Variants in ST6GALNAC3 observed in about 807,000 individuals in gnomAD.
ST6GALNAC3 encodes ST6 N-acetylgalactosaminide alpha-2,6-sialyltransferase 3.
A neutral mutation model predicts 32.7 loss-of-function variants in ST6GALNAC3; 25 were observed. The ratio of observed to expected loss-of-function variants is 0.76; its 90% CI spans 0.56 to 1.07. The LOEUF (loss-of-function observed/expected upper bound fraction) is 1.07, where lower values mean the gene tolerates loss of function less well. ST6GALNAC3 is among the 50% of genes least tolerant of loss of function. The pLI is 0.00. For missense variants in ST6GALNAC3, 355 were observed against 382.4 expected, an observed-to-expected ratio of 0.93 and a Z score of 0.60; for synonymous variants, 129 against 133.1, an observed-to-expected ratio of 0.97 and a Z score of 0.21.
chr1:76,142,140 G>T (rs1650366320), intron 1 of ST6GALNAC3, among the ~76,000 whole-genome samples: 1 of 152,144 alleles, frequency 6.6e-6, no homozygotes, highest in South Asian at 2.1e-4. Flanking sequence ...TAAAAGCAAA[G>T]GTATGGAGAT....
At chr1:76,463,934 G>A (rs997532914) in intron 3 of ST6GALNAC3, among the ~76,000 whole-genome samples, 2 of 152,086 alleles carry the variant, frequency 1.3e-5, no homozygotes, top group African/African-American at 4.8e-5. Context: ...CTCCTTGCAA[G>A]GTCACCCAGG....
intron 3 of ST6GALNAC3, among the ~76,000 whole-genome samples, chr1:76,583,027 T>G (rs1646913624): frequency 1.3e-5 from 2 of 152,170 alleles, no homozygotes; most frequent in Non-Finnish European, 2.9e-5. Flanking sequence ...ATAGAACAAT[T>G]TATTAGTGCA....
chr1:76,091,855 G>A (rs773076805), intron 1 of ST6GALNAC3, among the ~76,000 whole-genome samples: 4 of 152,262 alleles, frequency 2.6e-5, no homozygotes, highest in South Asian at 2.1e-4. Flanking sequence ...CTACACTTAC[G>A]GATGTGGTTC....
At chr1:76,581,084 T>A (rs1646886007) in intron 3 of ST6GALNAC3, among the ~76,000 whole-genome samples, 1 of 152,134 alleles carries the variant, frequency 6.6e-6, no homozygotes, top group African/African-American at 2.4e-5. Flanking sequence ...CTGATTTCCC[T>A]GAATTGTTTA....
At chr1:76,382,544 A>G (rs1388109180) in intron 2 of ST6GALNAC3, among the ~76,000 whole-genome samples, 1 of 152,226 alleles carries the variant, frequency 6.6e-6, no homozygotes, top group African/African-American at 2.4e-5. Context: ...AAGATTAAAA[A>G]GGTGAAAGAT....
At chr1:76,416,437 A>G (rs959957271) in intron 3 of ST6GALNAC3, among the ~76,000 whole-genome samples, 13 of 152,066 alleles carry the variant, frequency 8.5e-5, no homozygotes, top group Non-Finnish European at 1.8e-4. Flanking sequence ...TATTATGTAT[A>G]ATTTATAGAA....
intron 1 of ST6GALNAC3, among the ~76,000 whole-genome samples, chr1:76,197,771 A>G (rs535742541): frequency 1.3e-5 from 2 of 152,290 alleles, no homozygotes; most frequent in Admixed American, 1.3e-4. Context: ...GGGGTTTCTC[A>G]GCCTTAGCAC....
chr1:76,551,138 T>G (rs1001772663), intron 3 of ST6GALNAC3, among the ~76,000 whole-genome samples: 1 of 152,210 alleles, frequency 6.6e-6, no homozygotes, highest in African/African-American at 2.4e-5. Flanking sequence ...ATCAGCATTA[T>G]TATTACTAAT....
chr1:76,487,518 C>T (rs141013975), intron 3 of ST6GALNAC3, among the ~76,000 whole-genome samples: 1,845 of 152,294 alleles, frequency 0.012, 16 homozygotes, highest in Non-Finnish European at 0.016. Flanking sequence ...TTGATCGAAT[C>T]GGCTACTGAA....
chr1:76,078,048 A>G (rs572232535), intron 1 of ST6GALNAC3, among the ~76,000 whole-genome samples: 20 of 152,200 alleles, frequency 1.3e-4, no homozygotes, highest in Non-Finnish European at 2.6e-4. Context: ...TACCCCTGTC[A>G]TTGGGTAGTT....
intron 3 of ST6GALNAC3, among the ~76,000 whole-genome samples, chr1:76,486,889 C>A (rs1660157369): frequency 6.6e-6 from 1 of 152,124 alleles, no homozygotes; most frequent in Admixed American, 6.6e-5. Context: ...ATGTTTAGTG[C>A]TTCCTTCAGG....
At chr1:76,107,103 T>C (rs184436834) in intron 1 of ST6GALNAC3, among the ~76,000 whole-genome samples, 105 of 152,312 alleles carry the variant, frequency 6.9e-4, no homozygotes, top group African/African-American at 2.4e-3. Flanking sequence ...GTTGGGTTGG[T>C]CATGGAGAGA....
chr1:76,143,421 G>C (rs1329570032), intron 1 of ST6GALNAC3, among the ~76,000 whole-genome samples: 1 of 151,784 alleles, frequency 6.6e-6, no homozygotes, highest in African/African-American at 2.4e-5. Flanking sequence ...GTGTGTGTGT[G>C]TGTCCGTCTG....
At chr1:76,370,678 A>G (rs1170759924) in intron 2 of ST6GALNAC3, among the ~76,000 whole-genome samples, 2 of 152,170 alleles carry the variant, frequency 1.3e-5, no homozygotes, top group African/African-American at 2.4e-5. Flanking sequence ...TTTGGGCCCT[A>G]GAAACTGATT....
chr1:76,481,695 G>A (rs1659733158), intron 3 of ST6GALNAC3, among the ~76,000 whole-genome samples: 1 of 152,108 alleles, frequency 6.6e-6, no homozygotes, highest in South Asian at 2.1e-4. Context: ...TTTGATTAAG[G>A]TTAAACAACA....
intron 3 of ST6GALNAC3, among the ~76,000 whole-genome samples, chr1:76,614,899 G>C (rs551569658): frequency 2.1e-4 from 32 of 152,126 alleles, no homozygotes; most frequent in Non-Finnish European, 2.5e-4. Flanking sequence ...CTGTGACTGG[G>C]GGGTAGGGGC....
chr1:76,308,725 A>G (rs973586245), intron 1 of ST6GALNAC3, among the ~76,000 whole-genome samples: 2 of 152,198 alleles, frequency 1.3e-5, no homozygotes, highest in Non-Finnish European at 2.9e-5. Flanking sequence ...TGGTAATTCA[A>G]ATAAAATGAA....
intron 2 of ST6GALNAC3, among the ~76,000 whole-genome samples, chr1:76,342,106 T>C (rs1304534552): frequency 1.3e-5 from 2 of 152,180 alleles, no homozygotes; most frequent in African/African-American, 2.4e-5. Context: ...ATCCAGTCTA[T>C]CATTGATGAG....
chr1:76,355,096 A>C (rs1342109719), intron 2 of ST6GALNAC3, among the ~76,000 whole-genome samples: 1 of 151,996 alleles, frequency 6.6e-6, no homozygotes, highest in Non-Finnish European at 1.5e-5. Context: ...TTTTGCTTAG[A>C]CTGAAAATGA....
Sources: allele counts gnomAD v4.1 joint callset (sites outside exome capture counted in the v4.1 genomes callset), GRCh38; gene constraint gnomAD v4.1.1; transcripts MANE v1.5; gene names NCBI Gene and HGNC (gene_info 2026-07-23, HGNC 2026-07-21).